Variants in DDX5 observed in about 807,000 individuals in gnomAD.
The protein encoded by DDX5 is DEAD-box helicase 5, also known as probable ATP-dependent RNA helicase DDX5.
In DDX5, 6 loss-of-function variants were observed where a neutral mutation model predicts 68.6. The ratio of observed to expected loss-of-function variants is 0.09; its 90% CI spans 0.05 to 0.17. The LOEUF (loss-of-function observed/expected upper bound fraction) is 0.17, where lower values mean the gene tolerates loss of function less well. Among genes scored for constraint, DDX5 ranks in the 10% least tolerant of loss-of-function variants. DDX5 has a pLI of 1.00. For missense variants in DDX5, 499 were observed against 756.1 expected, an observed-to-expected ratio of 0.66 and a Z score of 3.99; for synonymous variants, 350 against 247.0, an observed-to-expected ratio of 1.42 and a Z score of -3.91.
In DDX5 at chr17:64,500,331, C is replaced by T; in HGVS notation, c.1442-5G>A. The stretch of plus-strand genomic sequence containing the variant: ...CTCCTCTACCCCTGGAACGACCTGT[C>T]AAGAAAACAATTGCAAATTGATCAA... On this transcript the variant is annotated splice_polypyrimidine_tract_variant and splice_region_variant and intron_variant, in intron 12 of 12. Transcript: ENST00000225792. The T allele has an allele frequency of 1.3e-6, 2 of 1,595,446 alleles. No individual in the cohort carries two copies. Among genetic ancestry groups the T allele is most frequent in the Non-Finnish European group, 1.7e-6 (2 of 1,170,348 alleles).
intron 12 of DDX5, 25 bp from the exon 13 acceptor site, chr17:64,500,351 GATCA>G (rs1168069107): frequency 6.3e-7 from 1 of 1,585,634 alleles, no homozygotes; most frequent in Admixed American, 1.8e-5. Flanking sequence ...ATTGCAAATT[GATCA>G]ATTATGTCTA....
In DDX5 at chr17:64,504,412, T is replaced by C. The variant is rs563755562; in HGVS notation, c.211-94A>G. Reference sequence around the variant, plus strand: ...GCCCCTAACTTCATAATTTAGTAACTAGTTTAAAGTAGCCTTCATTTTAAT... The same window carrying C: ...GCCCCTAACTTCATAATTTAGTAACCAGTTTAAAGTAGCCTTCATTTTAAT... On this transcript the variant is annotated intron_variant, in intron 2 of 12. Coordinates refer to ENST00000225792, the MANE Select transcript of DDX5 (RefSeq NM_004396.5). 3.6e-5 allele frequency: 40 copies of C among 1,124,814 alleles called. No homozygotes were observed. The Admixed American group carries it at 7.3e-4, about 20-fold the overall frequency. The allele number at this position is 1,124,814 out of a possible 1,614,324, so 69.7% of individuals were successfully genotyped here. A position where few individuals can be genotyped will look rare whatever the true frequency, so the allele number is the denominator to read the frequency against.
chr17:64,498,885 C>T lies in DDX5; in HGVS notation c.*1038G>A, dbSNP rs2038223611. Among the ~76,000 whole-genome samples the T allele has an allele frequency of 1.3e-5, 2 of 152,182 alleles. No homozygotes were observed. Among genetic ancestry groups the T allele is most frequent in the African/African-American group, 2.4e-5 (1 of 41,450 alleles). ...CTTTCATTCACTGTGCTTTTGGTTA[C>T]GTTGCCTCCTGATTAGTCATTAATT... On this transcript the variant is annotated 3_prime_UTR_variant, in exon 13 of 13. Coordinates refer to ENST00000225792, the MANE Select transcript of DDX5 (RefSeq NM_004396.5).
At chr17:64,505,885 A>C in intron 1 of DDX5, 191 bp downstream of exon 1, 1 of 1,535,804 alleles carries the variant, frequency 6.5e-7, no homozygotes, top group Non-Finnish European at 8.7e-7. Context: ...AAGCTTGAAG[A>C]CACTACACCG....
chr17:64,502,969 G>C lies in DDX5; in HGVS notation c.940C>G (p.Leu314Val). 3 of 1,610,338 alleles carry C rather than the reference G, an allele frequency of 1.9e-6. No homozygotes were observed. The highest frequency in any genetic ancestry group is 2.5e-6 in the Non-Finnish European group (3 of 1,177,950). The part of the protein sequence containing the change: ...ALELSANHNI[L>V]QIVDVCHDVE... The stretch of plus-strand genomic sequence containing the variant: ...TCATGACACACATCCACAATCTGAA[G>C]AATGTTGTGGTTTGCACTCAGTTCA... Residue 314 changes from leucine to valine, a missense_variant, in exon 8 of 13, where the codon CTT becomes GTT. Around this residue, in one of 5 missense-constraint regions of DDX5, gnomAD observed 141 missense variants for 279.8 expected, o/e 0.50. Coordinates refer to ENST00000225792, the MANE Select transcript of DDX5 (RefSeq NM_004396.5).
At position 64,499,896 on chromosome 17, in the gene DDX5, C is replaced by CA. The variant is rs782088742; in HGVS notation, c.*26dup. The CA allele has an allele frequency of 6.6e-7, 1 of 1,522,494 alleles. No homozygotes were observed. Among genetic ancestry groups the CA allele is most frequent in the African/African-American group, 1.4e-5 (1 of 72,230 alleles). The allele number at this position is 1,522,494 out of a possible 1,614,324, so 94.3% of individuals were successfully genotyped here. A position where few individuals can be genotyped will look rare whatever the true frequency, so the allele number is the denominator to read the frequency against. ...CAATATAAAGAGCAATTATGAAAAA[C>CA]AGACATTTACATATACTTCTAAAGT... On this transcript the variant is annotated 3_prime_UTR_variant, in exon 13 of 13. Transcript: ENST00000225792.
At chr17:64,502,396 G>C in intron 9 of DDX5, 43 bp downstream of exon 9, 1 of 1,515,608 alleles carries the variant, frequency 6.6e-7, no homozygotes, top group African/African-American at 1.4e-5. Context: ...CCTTTCCTAA[G>C]CTGTTTTAAT....
chr17:64,504,969 G>C, intron 1 of DDX5, 127 bp from the exon 2 acceptor site: 1 of 784,160 alleles, frequency 1.3e-6, no homozygotes, highest in Admixed American at 3.3e-5. Context: ...ACCTAGCACT[G>C]TCCTTCGTGA....
chr17:64,503,414 C>T lies in DDX5; in HGVS notation c.649+16G>A, dbSNP rs782681835. 1.2e-6 allele frequency: 2 copies of T among 1,613,976 alleles called. No homozygotes were observed. The highest frequency in any genetic ancestry group is 1.7e-5 in the Admixed American group (1 of 59,996). On this transcript the variant is annotated intron_variant, in intron 6 of 12. Transcript: ENST00000225792. ...ATTTAGCACCAATGACAAATAAAAC[C>T]CTTTTCATTACATACCTCTCTCCAA...
intron 11 of DDX5, chr17:64,501,675 T>C: frequency 2.9e-6 from 1 of 343,010 alleles, no homozygotes; most frequent in Non-Finnish European, 5.4e-6. Flanking sequence ...ACAGAAGAAA[T>C]ACCACGGCAG....
Position 64,500,258 on chromosome 17 carries a change from C to T in DDX5, c.1510G>A (p.Gly504Arg). 6.2e-7 allele frequency: 1 copy of T among 1,614,094 alleles called. No individual in the cohort carries two copies. Among genetic ancestry groups the T allele is most frequent in the Non-Finnish European group, 8.5e-7 (1 of 1,179,998 alleles). ...RDRYSAGKRGGFNTFRDRENY... is the reference protein window; with the variant it reads ...RDRYSAGKRGRFNTFRDRENY... ...TCCCTGTCTCTAAAGGTATTAAATCCACCCCTTTTGCCCGCAGAGTATCTG... is the reference window on the plus strand; with the variant it reads ...TCCCTGTCTCTAAAGGTATTAAATCTACCCCTTTTGCCCGCAGAGTATCTG... Residue 504 changes from glycine (G) to arginine (R), a missense_variant, in exon 13 of 13, where the codon GGA (glycine) becomes AGA (arginine). Gly to Arg is a moderately radical substitution (Grantham distance 125). Coordinates refer to ENST00000225792, the MANE Select transcript of DDX5 (RefSeq NM_004396.5).
chr17:64,506,228 GAAGGACACC>G lies in DDX5; in HGVS notation c.-118_-110del. On this transcript the variant is annotated 5_prime_UTR_variant, in exon 1 of 13. Transcript: ENST00000225792. The stretch of plus-strand genomic sequence containing the variant: ...AAGCCTTGCGGGGGCGGCAGCGGAG[GAAGGACACC>G]GATGACACCAGCCGAAGCTGCACTA... The G allele has an allele frequency of 1.3e-6, 2 of 1,554,072 alleles. No individual in the cohort carries two copies. The highest frequency in any genetic ancestry group is 1.7e-6 in the Non-Finnish European group (2 of 1,149,318).
At chr17:64,504,924 G>A (rs113950914) in intron 1 of DDX5, 82 bp from the exon 2 acceptor site, 15 of 1,381,188 alleles carry the variant, frequency 1.1e-5, no homozygotes, top group East Asian at 9.5e-5. Context: ...ATTGGCACAA[G>A]CTAAAAACCA....
At chr17:64,503,610 A>G (rs1555671501) in intron 5 of DDX5, 39 bp from the exon 6 acceptor site, 2 of 1,608,912 alleles carry the variant, frequency 1.2e-6, no homozygotes, top group African/African-American at 2.7e-5. Flanking sequence ...AAACCTGGAT[A>G]CTAGTTTTAA....
intron 9 of DDX5, 21 bp from the exon 10 acceptor site, chr17:64,502,244 T>G: frequency 6.2e-7 from 1 of 1,613,494 alleles, no homozygotes; most frequent in African/African-American, 1.3e-5. Flanking sequence ...AGACAAGTTG[T>G]GTTATTAAAC....
In DDX5 at chr17:64,498,746, C is replaced by G. The variant is rs2038218816; in HGVS notation, c.*1177G>C. Among the ~76,000 whole-genome samples the G allele has an allele frequency of 6.6e-6, 1 of 152,162 alleles. No homozygotes were observed. Among genetic ancestry groups the G allele is most frequent in the Admixed American group, 6.5e-5 (1 of 15,284 alleles). ...TCTGGGAAAACATTCAGACCCACTT[C>G]TAGCTATTACTGAAATAAATGATTA... On this transcript the variant is annotated 3_prime_UTR_variant, in exon 13 of 13. Transcript: ENST00000225792.
rs2038276979 is a variant in DDX5, at chr17:64,500,655, A to G, written c.1335T>C (p.Phe445=). ...STKTGTAYTF[F]TPNNIKQVSD... Reference sequence around the variant, plus strand: ...TCACTTGCTTTATGTTATTAGGTGTAAAGAAAGTGTATGCTGTGCCTGTTT... The same window carrying G: ...TCACTTGCTTTATGTTATTAGGTGTGAAGAAAGTGTATGCTGTGCCTGTTT... The change falls in exon 12 of 13, where the codon TTT becomes TTC. Residue 445 remains phenylalanine, a synonymous_variant. Transcript: ENST00000225792. 1.9e-6 allele frequency: 3 copies of G among 1,614,218 alleles called. No homozygotes were observed. Among genetic ancestry groups the G allele is most frequent in the Admixed American group, 1.7e-5 (1 of 60,022 alleles).
At position 64,503,123 on chromosome 17, in the gene DDX5, T is replaced by C. The variant is rs1200599225; in HGVS notation, c.811-25A>G. The C allele has an allele frequency of 3.1e-6, 5 of 1,611,324 alleles. No homozygotes were observed. In the East Asian group the frequency reaches 6.7e-5, roughly 22 times the overall value. On this transcript the variant is annotated intron_variant, in intron 7 of 12. Transcript: ENST00000225792. ...GCTAATGGATTTTGGGGGGAAAAAT[T>C]AGTATCAGACTCTTAAGAGTGAAAA...
In DDX5 at chr17:64,506,061, G is replaced by A; in HGVS notation, c.44+15C>T. 1.5e-6 allele frequency: 2 copies of A among 1,347,730 alleles called. No homozygotes were observed. The highest frequency in any genetic ancestry group is 2.0e-6 in the Non-Finnish European group (2 of 1,022,194). 83.5% of individuals were successfully genotyped at this position (1,347,730 alleles called of 1,614,324 possible). On this transcript the variant is annotated intron_variant, in intron 1 of 12. Transcript: ENST00000225792. ...CCCCACCCGCCAGGCCTGACAGCTC[G>A]GCTCCCAAACTCACCCTCGGTCCCG... is the stretch of plus-strand genomic sequence containing the variant.
Sources: gnomAD v4.1 joint callset for allele counts (sites outside exome capture counted in the v4.1 genomes callset) on GRCh38, gnomAD v4.1.1 for gene constraint, gnomAD v4.1.1 regional missense constraint, MANE v1.5 for transcripts, NCBI Gene and HGNC (gene_info 2026-07-23, HGNC 2026-07-21) for gene names.